Variants in TMEM14A observed in about 807,000 individuals in gnomAD.
The protein encoded by TMEM14A is transmembrane protein 14A.
In TMEM14A, 8 loss-of-function variants were observed where a neutral mutation model predicts 11.6. The ratio of observed to expected loss-of-function variants is 0.69; its 90% CI spans 0.40 to 1.24. TMEM14A has a LOEUF of 1.24. Among genes scored for constraint, TMEM14A ranks in the 50% most tolerant of loss-of-function variants. TMEM14A has a pLI of 0.01. For synonymous variants in TMEM14A, 34 were observed against 45.5 expected (o/e 0.75, Z 1.02); for missense variants, 108 against 121.9 (o/e 0.89, Z 0.54).
At chr6:52,685,864 A>G (rs1581747496) in intron 4 of TMEM14A, 146 bp from the exon 5 acceptor site, 1 of 533,248 alleles carries the variant, frequency 1.9e-6, no homozygotes. Context: ...TATGTCTGGG[A>G]TGTTTTAATC....
intron 2 of TMEM14A, among the ~76,000 whole-genome samples, chr6:52,678,359 G>C (rs986081941): frequency 2.5e-5 from 3 of 121,702 alleles, no homozygotes; most frequent in African/African-American, 2.9e-5. Context: ...GTGTGTGTGT[G>C]TGTGTGTGTG....
intron 3 of TMEM14A, among the ~76,000 whole-genome samples, chr6:52,683,860 C>T (rs1199770181): frequency 6.6e-6 from 1 of 152,174 alleles, no homozygotes; most frequent in Non-Finnish European, 1.5e-5. Flanking sequence ...GGTGATCCAC[C>T]CATCTCTGCC....
rs896055775 is a variant in TMEM14A, at chr6:52,682,063, C to T, written c.172+149C>T. 1.1e-5 allele frequency: 6 copies of T among 530,824 alleles called. No individual in the cohort carries two copies. The East Asian group carries it at 1.6e-4, about 14-fold the overall frequency. The allele number at this position is 530,824 out of a possible 1,614,324, so 32.9% of individuals were successfully genotyped here. On this transcript the variant is annotated intron_variant, in intron 3 of 4. Coordinates refer to ENST00000211314, the MANE Select transcript of TMEM14A (RefSeq NM_014051.4). ...GGCTGAATACAACACTTATTCCTTT[C>T]TAGAAAGACCTGATAAAAAATGATG...
rs1769497610 is a variant in TMEM14A, at chr6:52,686,550, A to G, written c.*501A>G. 2.7e-6 allele frequency: 1 copy of G among 376,116 alleles called. No individual in the cohort carries two copies. Among genetic ancestry groups the G allele is most frequent in the Non-Finnish European group, 4.8e-6 (1 of 210,392 alleles). The allele number at this position is 376,116 out of a possible 1,614,324, so 23.3% of individuals were successfully genotyped here. Reference sequence around the variant, plus strand: ...TAGCACACTGTTATGTCCTAACTGAATGTATTCAGTATTCAAATAAAAGAC... The same window carrying G: ...TAGCACACTGTTATGTCCTAACTGAGTGTATTCAGTATTCAAATAAAAGAC... On this transcript the variant is annotated 3_prime_UTR_variant, in exon 5 of 5. Coordinates refer to ENST00000211314, the MANE Select transcript of TMEM14A (RefSeq NM_014051.4).
At chr6:52,685,516 T>A (rs1368817105) in intron 4 of TMEM14A, among the ~76,000 whole-genome samples, 3 of 150,244 alleles carry the variant, frequency 2.0e-5, no homozygotes, top group Admixed American at 6.7e-5. Flanking sequence ...GCTCAGGAGG[T>A]GGAGGTTGCA....
chr6:52,672,678 T>G (rs2127261073), intron 1 of TMEM14A, among the ~76,000 whole-genome samples: 1 of 152,304 alleles, frequency 6.6e-6, no homozygotes, highest in East Asian at 1.9e-4. Flanking sequence ...CACCCCTGAC[T>G]TTCCCTTCCC....
At chr6:52,682,204 A>T (rs181106077) in intron 3 of TMEM14A, among the ~76,000 whole-genome samples, 28 of 152,374 alleles carry the variant, frequency 1.8e-4, no homozygotes, top group Non-Finnish European at 3.7e-4. Context: ...ACTCTCCTAA[A>T]TGCATATTTA....
Position 52,686,149 on chromosome 6 carries a change from A to G in TMEM14A, c.*100A>G. The G allele has an allele frequency of 5.8e-6, 7 of 1,199,604 alleles. No homozygotes were observed. Among genetic ancestry groups the G allele is most frequent in the Non-Finnish European group, 8.2e-6 (7 of 856,850 alleles). 74.3% of individuals were successfully genotyped at this position (1,199,604 alleles called of 1,614,324 possible). A position where few individuals can be genotyped will look rare whatever the true frequency, so the allele number is the denominator to read the frequency against. ...AAGATAAACTTCAATATGGAATGCT[A>G]GAAACACAAATAGCACTGTCACCTC... On this transcript the variant is annotated 3_prime_UTR_variant, in exon 5 of 5. Transcript: ENST00000211314.
At chr6:52,684,277 A>G (rs866294535) in intron 4 of TMEM14A, 112 bp downstream of exon 4, 94 of 941,440 alleles carry the variant, frequency 1.0e-4, no homozygotes, top group Middle Eastern at 5.2e-4. Context: ...TGTTATAATA[A>G]GCATGACAGT....
chr6:52,680,684 C>CATAT (rs1491319210), intron 2 of TMEM14A, among the ~76,000 whole-genome samples: 1 of 38,708 alleles, frequency 2.6e-5, no homozygotes, highest in Admixed American at 2.8e-4. Flanking sequence ...TATATATATA[C>CATAT]ATATATGTAT....
chr6:52,683,926 A>T, intron 3 of TMEM14A, 152 bp from the exon 4 acceptor site: 1 of 721,246 alleles, frequency 1.4e-6, no homozygotes, highest in Non-Finnish European at 2.2e-6. Context: ...GAAGTGTTTT[A>T]ATAGAGCACT....
intron 4 of TMEM14A, among the ~76,000 whole-genome samples, chr6:52,685,285 T>G (rs1769471781): frequency 6.6e-6 from 1 of 152,022 alleles, no homozygotes; most frequent in Non-Finnish European, 1.5e-5. Flanking sequence ...TACTTGGTGG[T>G]GGGAAGAATC....
chr6:52,671,669 A>G (rs564430978), intron 1 of TMEM14A, among the ~76,000 whole-genome samples: 2 of 152,208 alleles, frequency 1.3e-5, no homozygotes, highest in East Asian at 3.9e-4. Flanking sequence ...TTTTTATGTA[A>G]CAGTTCACCG....
chr6:52,685,644 C>T (rs1769479598), intron 4 of TMEM14A, among the ~76,000 whole-genome samples: 1 of 151,854 alleles, frequency 6.6e-6, no homozygotes. Context: ...GGAAGAAGGC[C>T]TCAGTTAATA....
At chr6:52,676,351 C>T (rs948506548) in intron 1 of TMEM14A, among the ~76,000 whole-genome samples, 2 of 152,138 alleles carry the variant, frequency 1.3e-5, no homozygotes, top group Admixed American at 1.3e-4. Flanking sequence ...CTCCAGGGCT[C>T]AAGCAATCCT....
chr6:52,680,677 A>ATATACATATATGTGTGTG (rs1769363850), intron 2 of TMEM14A, among the ~76,000 whole-genome samples: 1 of 78,908 alleles, frequency 1.3e-5, no homozygotes, highest in African/African-American at 4.4e-5. Context: ...GTGTATATAT[A>ATATACATATATGTGTGTG]TATATACATA....
intron 2 of TMEM14A, among the ~76,000 whole-genome samples, chr6:52,679,964 A>G (rs994345312): frequency 2.6e-5 from 4 of 152,038 alleles, no homozygotes; most frequent in African/African-American, 9.7e-5. Context: ...AGACACCTTA[A>G]TGGTCACCTA....
intron 1 of TMEM14A, among the ~76,000 whole-genome samples, chr6:52,674,613 T>C (rs1183564735): frequency 6.6e-6 from 1 of 152,148 alleles, no homozygotes; most frequent in Non-Finnish European, 1.5e-5. Context: ...TCAAAAACAT[T>C]ATAACCTCTT....
At chr6:52,684,770 C>T (rs1041841389) in intron 4 of TMEM14A, among the ~76,000 whole-genome samples, 16 of 152,134 alleles carry the variant, frequency 1.1e-4, no homozygotes, top group African/African-American at 3.4e-4. Flanking sequence ...ATGTTTATTT[C>T]CTTTGATAGA....
Sources: gnomAD v4.1 joint callset for allele counts (sites outside exome capture counted in the v4.1 genomes callset) on GRCh38, gnomAD v4.1.1 for gene constraint, MANE v1.5 for transcripts, NCBI Gene and HGNC (gene_info 2026-07-23, HGNC 2026-07-21) for gene names.